ARL15: variants seen among roughly 807,000 people sequenced by gnomAD.
ARL15 encodes the protein ADP-ribosylation factor-like protein 15.
ARL15 carries 19 observed loss-of-function variants against 25.2 expected under a neutral mutation model. That is an observed-to-expected ratio of 0.75 (90% CI 0.53 to 1.10). ARL15 has a LOEUF of 1.10. Ranked by LOEUF, ARL15 falls within the 50% of genes least tolerant of loss-of-function variation. The pLI, the probability that ARL15 is intolerant of heterozygous loss-of-function variation, is 0.00. For synonymous variants in ARL15, 94 were observed against 86.8 expected, an observed-to-expected ratio of 1.08 and a Z score of -0.46; for missense variants, 220 against 246.0, an observed-to-expected ratio of 0.89 and a Z score of 0.71.
intron 4 of ARL15, among the ~76,000 whole-genome samples, chr5:53,894,370 A>G (rs1414098871): frequency 4.6e-5 from 7 of 152,132 alleles, no homozygotes; most frequent in African/African-American, 1.7e-4. Flanking sequence ...TGCACGGGAG[A>G]AGTTAGTATG....
At chr5:53,955,719 C>T (rs1016746738) in intron 4 of ARL15, among the ~76,000 whole-genome samples, 1 of 152,196 alleles carries the variant, frequency 6.6e-6, no homozygotes, top group Non-Finnish European at 1.5e-5. Context: ...TGGCCCAAAC[C>T]TGTTTCCTGG....
At chr5:54,177,548 G>C (rs1184009333) in intron 1 of ARL15, among the ~76,000 whole-genome samples, 4 of 152,092 alleles carry the variant, frequency 2.6e-5, no homozygotes, top group Admixed American at 2.6e-4. Flanking sequence ...ATTTCTGTTT[G>C]GAACAGAAAT....
chr5:54,188,991 T>C (rs255678), intron 1 of ARL15, among the ~76,000 whole-genome samples: 63,903 of 151,970 alleles, frequency 0.42, 14,185 homozygotes, highest in African/African-American at 0.5. Flanking sequence ...GCAAAGTCAA[T>C]GTGCAAAAAT....
At chr5:53,894,618 T>G (rs1744815227) in intron 4 of ARL15, among the ~76,000 whole-genome samples, 2 of 152,188 alleles carry the variant, frequency 1.3e-5, no homozygotes, top group Admixed American at 1.3e-4. Flanking sequence ...CTTCTTGTCT[T>G]CAGGGACTAA....
chr5:53,905,656 A>G (rs1208449156), intron 4 of ARL15, among the ~76,000 whole-genome samples: 3 of 152,160 alleles, frequency 2.0e-5, no homozygotes, highest in Non-Finnish European at 4.4e-5. Flanking sequence ...TTACCTTGAA[A>G]TTATCATCTG....
chr5:54,044,726 C>G (rs1750454102), intron 4 of ARL15, among the ~76,000 whole-genome samples: 1 of 152,050 alleles, frequency 6.6e-6, no homozygotes, highest in South Asian at 2.1e-4. Flanking sequence ...TTTTGTGTGC[C>G]TTTAAATACT....
chr5:53,977,354 C>CAAAAA (rs397884651), intron 4 of ARL15, among the ~76,000 whole-genome samples: 1 of 90,252 alleles, frequency 1.1e-5, no homozygotes, highest in Admixed American at 1.3e-4. Context: ...GACTCCGCCT[C>CAAAAA]AAAAAAAAAA....
chr5:54,208,370 G>A (rs760142865), intron 1 of ARL15, among the ~76,000 whole-genome samples: 3 of 151,912 alleles, frequency 2.0e-5, no homozygotes, highest in African/African-American at 7.3e-5. Context: ...TATACAATGA[G>A]ATGAAAATCT....
rs189323964 is a variant in ARL15 at position 53,964,429 on chromosome 5, G to A, written c.463-77716C>T. Among the ~76,000 whole-genome samples, 426 of 151,990 alleles carry A rather than the reference G, an allele frequency of 2.8e-3. 4 individuals are homozygous for A. Among genetic ancestry groups the A allele is most frequent in the African/African-American group, 7.8e-3 (324 of 41,448 alleles). Reference sequence around the variant, plus strand: ...TGCTGGAGTGCAGTGGCGTGATCTCGGCTCACTGCATGCTCCGCCTCCCGG... The same window carrying A: ...TGCTGGAGTGCAGTGGCGTGATCTCAGCTCACTGCATGCTCCGCCTCCCGG... On this transcript the variant is annotated intron_variant, in intron 4 of 4. Transcript: ENST00000504924.
At chr5:54,159,393 C>T (rs1754335677) in intron 2 of ARL15, among the ~76,000 whole-genome samples, 1 of 152,122 alleles carries the variant, frequency 6.6e-6, no homozygotes, top group Admixed American at 6.5e-5. Context: ...TGACAAGGGA[C>T]TATCCTAGGA....
intron 4 of ARL15, among the ~76,000 whole-genome samples, chr5:54,065,038 A>G (rs1182613667): frequency 1.3e-5 from 2 of 152,206 alleles, no homozygotes; most frequent in Non-Finnish European, 2.9e-5. Flanking sequence ...ACTAAGTCAA[A>G]CATTAAACTG....
intron 1 of ARL15, among the ~76,000 whole-genome samples, chr5:54,271,158 C>T (rs1467417655): frequency 6.6e-6 from 1 of 152,146 alleles, no homozygotes; most frequent in African/African-American, 2.4e-5. Flanking sequence ...TTGAACTGAG[C>T]CACACTACCA....
intron 1 of ARL15, among the ~76,000 whole-genome samples, chr5:54,183,583 T>C (rs1179186803): frequency 6.6e-6 from 1 of 151,162 alleles, no homozygotes; most frequent in Non-Finnish European, 1.5e-5. Flanking sequence ...TGCATCAATG[T>C]TCATCAAGGA....
chr5:54,051,905 A>T (rs1275911693), intron 4 of ARL15, among the ~76,000 whole-genome samples: 1 of 152,220 alleles, frequency 6.6e-6, no homozygotes, highest in African/African-American at 2.4e-5. Flanking sequence ...CTTCCAATAG[A>T]AGAATCGACT....
intron 1 of ARL15, among the ~76,000 whole-genome samples, chr5:54,235,178 CA>C (rs1756769448): frequency 6.6e-6 from 1 of 152,136 alleles, no homozygotes; most frequent in African/African-American, 2.4e-5. Context: ...CAATGGCCTT[CA>C]CAAAATCTGA....
chr5:53,931,409 T>G (rs2112051647), intron 4 of ARL15, among the ~76,000 whole-genome samples: 1 of 152,300 alleles, frequency 6.6e-6, no homozygotes, highest in South Asian at 2.1e-4. Context: ...TAAGGAAAAA[T>G]TAAGTAATTT....
At chr5:54,186,871 CTT>C (rs562016960) in intron 1 of ARL15, among the ~76,000 whole-genome samples, 52 of 135,864 alleles carry the variant, frequency 3.8e-4, no homozygotes, top group African/African-American at 4.1e-4. Context: ...GTAGCATCGA[CTT>C]TTTTTTTTTT....
At chr5:54,266,096 A>G (rs1579964712) in intron 1 of ARL15, among the ~76,000 whole-genome samples, 2 of 152,346 alleles carry the variant, frequency 1.3e-5, no homozygotes, top group Admixed American at 1.3e-4. Context: ...AATGTATGAA[A>G]GAGAAACGAC....
At chr5:54,055,247 A>G (rs1750830645) in intron 4 of ARL15, among the ~76,000 whole-genome samples, 1 of 151,954 alleles carries the variant, frequency 6.6e-6, no homozygotes, top group Non-Finnish European at 1.5e-5. Context: ...TCTACAGTAA[A>G]CGGCATAGTA....
Sources: gnomAD v4.1 joint callset for allele counts (sites outside exome capture counted in the v4.1 genomes callset) on GRCh38, gnomAD v4.1.1 for gene constraint, MANE v1.5 for transcripts, NCBI Gene and HGNC (gene_info 2026-07-23, HGNC 2026-07-21) for gene names.